PDE6A: variants seen among roughly 807,000 people sequenced by gnomAD.
PDE6A encodes phosphodiesterase 6A.
In PDE6A, 84 loss-of-function variants were observed where a neutral mutation model predicts 106.3. The observed-to-expected ratio is 0.79, with a 90% CI of 0.66 to 0.95. PDE6A has a LOEUF of 0.95. Among genes scored for constraint, PDE6A ranks in the 40% least tolerant of loss-of-function variants. The probability of loss-of-function intolerance (pLI) is 0.00; values close to 1 mark genes in which losing one functional copy is unlikely to be tolerated. For synonymous variants in PDE6A, 394 were observed against 386.6 expected (o/e 1.02, Z -0.23); for missense variants, 1,052 against 1,084.9 (o/e 0.97, Z 0.43).
At chr5:149,892,551 G>T (rs540351599) in intron 13 of PDE6A, among the ~76,000 whole-genome samples, 23 of 138,028 alleles carry the variant, frequency 1.7e-4, no homozygotes, top group Non-Finnish European at 2.9e-4. Context: ...TAGTGCAGTT[G>T]TGCCATCACA....
At chr5:149,915,593 T>C (rs747247813) in intron 5 of PDE6A, among the ~76,000 whole-genome samples, 1 of 152,182 alleles carries the variant, frequency 6.6e-6, no homozygotes, top group East Asian at 1.9e-4. Flanking sequence ...CAGCTCACAG[T>C]GATCAGGAAG....
chr5:149,876,145 G>C (rs896696052), intron 17 of PDE6A, among the ~76,000 whole-genome samples: 5 of 151,346 alleles, frequency 3.3e-5, no homozygotes, highest in Non-Finnish European at 7.4e-5. Flanking sequence ...ATTTTCTTTT[G>C]GATTAAGTTA....
intron 17 of PDE6A, among the ~76,000 whole-genome samples, chr5:149,879,984 C>T (rs1760868839): frequency 1.3e-5 from 2 of 152,164 alleles, no homozygotes; most frequent in Admixed American, 1.3e-4. Context: ...GTATAAAACC[C>T]ACTTTGAACA....
intron 10 of PDE6A, 114 bp from the exon 11 acceptor site, chr5:149,896,890 A>G: frequency 8.7e-7 from 1 of 1,151,756 alleles, no homozygotes; most frequent in South Asian, 1.2e-5. Context: ...ACCAGCTCAA[A>G]GAGGATTCCA....
At chr5:149,914,900 A>T in intron 6 of PDE6A, 43 bp downstream of exon 6, 1 of 1,315,228 alleles carries the variant, frequency 7.6e-7, no homozygotes, top group Non-Finnish European at 1.1e-6. Flanking sequence ...GAGATCTTTA[A>T]GCTAATTTGT....
chr5:149,882,796 G>A (rs1222437072), intron 17 of PDE6A, among the ~76,000 whole-genome samples: 4 of 150,944 alleles, frequency 2.6e-5, no homozygotes, highest in South Asian at 4.1e-4. Context: ...GATGGCTCAC[G>A]CCTATAATCC....
chr5:149,917,756 G>A (rs1561765476), intron 5 of PDE6A, among the ~76,000 whole-genome samples: 1 of 152,146 alleles, frequency 6.6e-6, no homozygotes, highest in Non-Finnish European at 1.5e-5. Flanking sequence ...GTCCTACTAT[G>A]GGTGTTCTCT....
In PDE6A at chr5:149,915,028, T is replaced by G. The variant is rs755625156; in HGVS notation, c.934-21A>C. 5.8e-5 allele frequency: 81 copies of G among 1,395,030 alleles called. 1 individual carries two copies. In the East Asian group the frequency reaches 1.9e-3, roughly 32 times the overall value. The allele number at this position is 1,395,030 out of a possible 1,614,324, so 86.4% of individuals were successfully genotyped here. ...ATTTCCTGGCAAAAGAGAGAAAAAT[T>G]ATACTTTTTTTTTTTTTTTTTTTTT... On this transcript the variant is annotated intron_variant, in intron 5 of 21. Coordinates refer to ENST00000255266, the MANE Select transcript of PDE6A (RefSeq NM_000440.3).
intron 5 of PDE6A, among the ~76,000 whole-genome samples, chr5:149,919,125 A>G (rs1051208704): frequency 6.6e-6 from 1 of 152,026 alleles, no homozygotes; most frequent in Non-Finnish European, 1.5e-5. Context: ...TGTGCTGCTC[A>G]CTGTACTCCT....
At chr5:149,914,164 T>G (rs975592729) in intron 6 of PDE6A, among the ~76,000 whole-genome samples, 10 of 152,192 alleles carry the variant, frequency 6.6e-5, no homozygotes. Context: ...GCTGTGAGAT[T>G]GGGACTCAGA....
At chr5:149,917,260 T>C (rs1030953403) in intron 5 of PDE6A, among the ~76,000 whole-genome samples, 1 of 152,070 alleles carries the variant, frequency 6.6e-6, no homozygotes, top group Admixed American at 6.6e-5. Flanking sequence ...TTCTTGAGTG[T>C]GTTTTTCACA....
intron 3 of PDE6A, chr5:149,932,340 G>T: frequency 2.1e-6 from 3 of 1,427,136 alleles, no homozygotes; most frequent in Non-Finnish European, 2.0e-6. Context: ...GGTTGTAGGA[G>T]GTCTTTCTAA....
At chr5:149,927,861 T>C (rs1477403904) in intron 4 of PDE6A, among the ~76,000 whole-genome samples, 1 of 151,760 alleles carries the variant, frequency 6.6e-6, no homozygotes, top group East Asian at 1.9e-4. Flanking sequence ...ACTTTTTTGT[T>C]AAAAACTAAG....
At chr5:149,914,802 C>T (rs1204417280) in intron 6 of PDE6A, 141 bp downstream of exon 6, 2 of 703,716 alleles carry the variant, frequency 2.8e-6, no homozygotes, top group East Asian at 2.5e-5. Context: ...CAGTCCTTCT[C>T]TGTCTATAAA....
intron 15 of PDE6A, 66 bp downstream of exon 15, chr5:149,884,714 G>C: frequency 6.6e-7 from 1 of 1,511,652 alleles, no homozygotes; most frequent in Non-Finnish European, 9.2e-7. Flanking sequence ...GCACACTCAG[G>C]CTCCTTGTGA....
At position 149,867,790 on chromosome 5, in the gene PDE6A, G is replaced by T; in HGVS notation, c.2209C>A (p.Leu737Met). The T allele has an allele frequency of 6.2e-7, 1 of 1,613,190 alleles. No homozygotes were observed. Among genetic ancestry groups the T allele is most frequent in the Non-Finnish European group, 8.5e-7 (1 of 1,179,968 alleles). ...PWEVQSQVAL[L>M]VAAEFWEQGD... Reference sequence around the variant, plus strand: ...TGTTCCCAGAATTCAGCAGCCACCAGCAGAGCTACCTGCAACAGACAGACC... The same window carrying T: ...TGTTCCCAGAATTCAGCAGCCACCATCAGAGCTACCTGCAACAGACAGACC... Residue 737 changes from leucine (L) to methionine (M), a missense_variant, in exon 19 of 22, where the codon CTG becomes ATG. By Grantham distance (15) the Leu-to-Met change is conservative. Coordinates refer to ENST00000255266, the MANE Select transcript of PDE6A (RefSeq NM_000440.3).
intron 13 of PDE6A, among the ~76,000 whole-genome samples, chr5:149,893,380 T>C (rs891793791): frequency 6.6e-6 from 1 of 152,200 alleles, no homozygotes; most frequent in Non-Finnish European, 1.5e-5. Context: ...CAGAAACAGA[T>C]GGCATTCTAG....
At chr5:149,884,998 TAG>T (rs1752233963) in intron 14 of PDE6A, 131 bp from the exon 15 acceptor site, 1 of 742,766 alleles carries the variant, frequency 1.3e-6, no homozygotes, top group Non-Finnish European at 2.4e-6. Flanking sequence ...GTGAACTCAT[TAG>T]AGAATCTACT....
rs139549290 is a variant in PDE6A, at chr5:149,935,877, C to T, written c.475-1159G>A. ...TTTCTAAAACTAAGTCTGGGCCAGG[C>T]GTGGTGGTTTACGTCTATAATCCCA... On this transcript the variant is annotated intron_variant, in intron 1 of 21. Coordinates refer to ENST00000255266, the MANE Select transcript of PDE6A (RefSeq NM_000440.3). Among the ~76,000 whole-genome samples the T allele has an allele frequency of 2.5e-4, 38 of 152,238 alleles. No homozygotes were observed. In the East Asian group the frequency reaches 6.6e-3, roughly 26 times the overall value.
Sources: gnomAD v4.1 joint callset for allele counts (sites outside exome capture counted in the v4.1 genomes callset) on GRCh38, gnomAD v4.1.1 for gene constraint, MANE v1.5 for transcripts, NCBI Gene and HGNC (gene_info 2026-07-23, HGNC 2026-07-21) for gene names.